Variants in LRRTM4 observed in about 807,000 individuals in gnomAD.
The protein encoded by LRRTM4 is leucine rich repeat transmembrane neuronal 4, also known as leucine-rich repeat transmembrane neuronal protein 4.
A neutral mutation model predicts 47.6 loss-of-function variants in LRRTM4; 25 were observed. That is an observed-to-expected ratio of 0.53 (90% CI 0.38 to 0.73). The LOEUF (loss-of-function observed/expected upper bound fraction) is 0.73, where lower values mean the gene tolerates loss of function less well. Ranked by LOEUF, LRRTM4 falls within the 30% of genes least tolerant of loss-of-function variation. The pLI is 0.00. For synonymous variants in LRRTM4, 311 were observed against 269.5 expected (o/e 1.15, Z -1.51); for missense variants, 638 against 713.4 (o/e 0.89, Z 1.20).
chr2:76,821,294 A>G (rs995381704), intron 3 of LRRTM4, among the ~76,000 whole-genome samples: 2 of 151,740 alleles, frequency 1.3e-5, no homozygotes, highest in Non-Finnish European at 2.9e-5. Context: ...AACTTGAGAA[A>G]AAAATCATAA....
At chr2:77,294,610 T>C (rs954829849) in intron 3 of LRRTM4, among the ~76,000 whole-genome samples, 1 of 152,138 alleles carries the variant, frequency 6.6e-6, no homozygotes, top group Admixed American at 6.6e-5. Flanking sequence ...CATTAATGGA[T>C]ACCAGTGAGA....
At chr2:77,495,696 T>C (rs532782394) in intron 3 of LRRTM4, among the ~76,000 whole-genome samples, 4 of 152,018 alleles carry the variant, frequency 2.6e-5, no homozygotes, top group Non-Finnish European at 4.4e-5. Context: ...TGTCCATATA[T>C]GTGTGGGTTA....
At chr2:77,516,622 A>T in intron 3 of LRRTM4, 1 of 983,014 alleles carries the variant, frequency 1.0e-6, no homozygotes, top group Non-Finnish European at 1.2e-6. Flanking sequence ...AGTATATTGT[A>T]TAATTGTGGG....
intron 3 of LRRTM4, among the ~76,000 whole-genome samples, chr2:77,445,877 G>A (rs1201578908): frequency 6.6e-6 from 1 of 151,980 alleles, no homozygotes; most frequent in African/African-American, 2.4e-5. Context: ...AATAAATGAA[G>A]TAAAACCTGC....
rs185685667 is a variant in LRRTM4, at chr2:77,196,670, G to A, written c.1551+321648C>T. On this transcript the variant is annotated intron_variant, in intron 3 of 3. Transcript: ENST00000409884. ...GCAGGAGAATCCTTTAAATCCAGGA[G>A]GTGGAGGTTGAAGTGAGCTGAGAAC... is the stretch of plus-strand genomic sequence containing the variant. Among the ~76,000 whole-genome samples the A allele has an allele frequency of 1.1e-3, 171 of 152,272 alleles. 2 individuals carry two copies. The highest frequency in any genetic ancestry group is 3.3e-3 in the African/African-American group (137 of 41,562).
intron 3 of LRRTM4, among the ~76,000 whole-genome samples, chr2:77,328,462 C>A (rs188393150): frequency 1.3e-5 from 2 of 152,122 alleles, no homozygotes; most frequent in Non-Finnish European, 2.9e-5. Flanking sequence ...CATGCCCCCT[C>A]CCTTCCTTCT....
chr2:76,979,597 G>C (rs985416939), intron 3 of LRRTM4, among the ~76,000 whole-genome samples: 5 of 124,856 alleles, frequency 4.0e-5, no homozygotes, highest in Admixed American at 3.8e-4. Context: ...GCATAAAAAG[G>C]CACAACAACA....
chr2:76,947,448 T>C (rs1675358989), intron 3 of LRRTM4, among the ~76,000 whole-genome samples: 1 of 151,862 alleles, frequency 6.6e-6, no homozygotes, highest in Admixed American at 6.6e-5. Context: ...AATACAATAA[T>C]GTGGGAATAA....
chr2:76,806,837 G>T (rs1277046265), intron 3 of LRRTM4, among the ~76,000 whole-genome samples: 3 of 151,864 alleles, frequency 2.0e-5, no homozygotes, highest in African/African-American at 7.3e-5. Context: ...ATATATATTG[G>T]TACTTAGAAA....
chr2:76,805,527 G>A (rs1324534549), intron 3 of LRRTM4, among the ~76,000 whole-genome samples: 1 of 152,160 alleles, frequency 6.6e-6, no homozygotes, highest in Non-Finnish European at 1.5e-5. Flanking sequence ...CATACATCAT[G>A]TAGATCAAAC....
intron 3 of LRRTM4, among the ~76,000 whole-genome samples, chr2:77,080,279 T>A (rs1438614570): frequency 6.6e-6 from 1 of 152,200 alleles, no homozygotes; most frequent in Admixed American, 6.5e-5. Context: ...TCTCCTTTTT[T>A]TGACCTTTAT....
At chr2:76,905,462 C>A (rs141217394) in intron 3 of LRRTM4, among the ~76,000 whole-genome samples, 1 of 152,124 alleles carries the variant, frequency 6.6e-6, no homozygotes, top group Non-Finnish European at 1.5e-5. Context: ...TCCAAAGGAT[C>A]GCAGTTCCTC....
At chr2:77,314,667 C>T (rs1376430475) in intron 3 of LRRTM4, among the ~76,000 whole-genome samples, 2 of 152,254 alleles carry the variant, frequency 1.3e-5, no homozygotes, top group African/African-American at 4.8e-5. Flanking sequence ...TAGTACCTCA[C>T]CCTTAGGGAT....
At chr2:77,379,700 TTC>T (rs1199132692) in intron 3 of LRRTM4, among the ~76,000 whole-genome samples, 1 of 152,148 alleles carries the variant, frequency 6.6e-6, no homozygotes, top group Admixed American at 6.6e-5. Flanking sequence ...TATGAATAAA[TTC>T]TGTTTTGTTT....
chr2:77,088,833 T>C (rs964629511), intron 3 of LRRTM4, among the ~76,000 whole-genome samples: 6 of 152,274 alleles, frequency 3.9e-5, no homozygotes, highest in African/African-American at 1.4e-4. Flanking sequence ...GTAAGCGGCA[T>C]CTTTTTACTC....
intron 3 of LRRTM4, among the ~76,000 whole-genome samples, chr2:77,466,503 C>T (rs1374848631): frequency 6.6e-6 from 1 of 152,128 alleles, no homozygotes; most frequent in African/African-American, 2.4e-5. Context: ...CATCCATCTA[C>T]TAGTTCATTT....
chr2:76,925,377 A>G (rs1233003056), intron 3 of LRRTM4, among the ~76,000 whole-genome samples: 1 of 152,160 alleles, frequency 6.6e-6, no homozygotes, highest in East Asian at 1.9e-4. Context: ...CCAAGCCTTT[A>G]ACAAAAATCA....
At chr2:77,500,793 C>G (rs972389724) in intron 3 of LRRTM4, among the ~76,000 whole-genome samples, 6 of 151,378 alleles carry the variant, frequency 4.0e-5, no homozygotes, top group African/African-American at 1.5e-4. Context: ...TCTCAATATC[C>G]TAAACATCTC....
intron 3 of LRRTM4, among the ~76,000 whole-genome samples, chr2:76,942,676 CTGTGTGTG>C (rs61077287): frequency 5.4e-5 from 8 of 148,208 alleles, no homozygotes; most frequent in African/African-American, 1.5e-4. Context: ...CTCTAGGAAT[CTGTGTGTG>C]TGTGTGTGTG....
Sources: allele counts gnomAD v4.1 joint callset (sites outside exome capture counted in the v4.1 genomes callset), GRCh38; gene constraint gnomAD v4.1.1; transcripts MANE v1.5; gene names NCBI Gene and HGNC (gene_info 2026-07-23, HGNC 2026-07-21).